The following TRIO variants were observed in gnomAD, a reference collection of about 807,000 sequenced individuals.
The protein encoded by TRIO is trio Rho guanine nucleotide exchange factor.
In TRIO, 58 loss-of-function variants were observed where a neutral mutation model predicts 351.9. The ratio of observed to expected loss-of-function variants is 0.16; its 90% CI spans 0.13 to 0.21. The LOEUF (loss-of-function observed/expected upper bound fraction) is 0.21, where lower values mean the gene tolerates loss of function less well. TRIO is among the 10% of genes least tolerant of loss of function. The pLI, the probability that TRIO is intolerant of heterozygous loss-of-function variation, is 1.00. For missense variants in TRIO, 3,201 were observed against 4,027.8 expected (o/e 0.79, Z 5.56); for synonymous variants, 1,758 against 1,595.7 (o/e 1.10, Z -2.42).
chr5:14,287,247 G>T, intron 4 of TRIO, 184 bp downstream of exon 4: 1 of 653,088 alleles, frequency 1.5e-6, no homozygotes, highest in Non-Finnish European at 2.5e-6. Context: ...TCATCCGAGT[G>T]GATTGTTTTA....
chr5:14,200,191 G>A lies in TRIO; in HGVS notation c.157+56309G>A, dbSNP rs555534716. Among the ~76,000 whole-genome samples the A allele has an allele frequency of 4.6e-5, 7 of 152,226 alleles. No homozygotes were observed. In the East Asian group the frequency reaches 7.8e-4, roughly 17 times the overall value. ...TACTGTGCCATTCAGCCAGGTGGCCGTGCCCTGCCCCTCCCCTCCCTGCCA... is the reference window on the plus strand; with the variant it reads ...TACTGTGCCATTCAGCCAGGTGGCCATGCCCTGCCCCTCCCCTCCCTGCCA... On this transcript the variant is annotated intron_variant, in intron 1 of 56. Transcript: ENST00000344204.
intron 48 of TRIO, chr5:14,489,235 C>G: frequency 1.8e-6 from 1 of 542,596 alleles, no homozygotes; most frequent in Non-Finnish European, 3.3e-6. Context: ...ATTGGTTTGA[C>G]TTGGTCTTAT....
At chr5:14,359,014 G>A (rs1188642507) in intron 12 of TRIO, among the ~76,000 whole-genome samples, 1 of 152,184 alleles carries the variant, frequency 6.6e-6, no homozygotes, top group Non-Finnish European at 1.5e-5. Context: ...TGTCCAATAT[G>A]ACTCTGTCAT....
intron 11 of TRIO, among the ~76,000 whole-genome samples, chr5:14,350,642 C>T (rs979151414): frequency 2.6e-5 from 4 of 152,184 alleles, no homozygotes; most frequent in African/African-American, 9.7e-5. Flanking sequence ...TCTTAACGTG[C>T]ATAGCTGCCC....
intron 31 of TRIO, among the ~76,000 whole-genome samples, chr5:14,404,724 G>T (rs1238190448): frequency 6.6e-6 from 1 of 152,142 alleles, no homozygotes; most frequent in Non-Finnish European, 1.5e-5. Context: ...TGTCACTCCG[G>T]AGAAGAGGGA....
At chr5:14,347,894 A>AG (rs1290474378) in intron 11 of TRIO, among the ~76,000 whole-genome samples, 2 of 152,272 alleles carry the variant, frequency 1.3e-5, no homozygotes, top group Non-Finnish European at 2.9e-5. Flanking sequence ...AATCAACCAC[A>AG]GAAAGTTTCA....
chr5:14,281,100 AT>A (rs2152277089), intron 3 of TRIO, among the ~76,000 whole-genome samples: 1 of 152,326 alleles, frequency 6.6e-6, no homozygotes, highest in South Asian at 2.1e-4. Context: ...CTCGAGTTTA[AT>A]TTGTAGATCT....
At chr5:14,427,643 A>G (rs1334490457) in intron 34 of TRIO, among the ~76,000 whole-genome samples, 1 of 152,082 alleles carries the variant, frequency 6.6e-6, no homozygotes, top group East Asian at 1.9e-4. Flanking sequence ...CTCTACCCAC[A>G]GGGCCGCGGC....
In TRIO at chr5:14,280,444, C is replaced by A. The variant is rs768417615; in HGVS notation, c.347+8C>A. 1 of 1,609,888 alleles carries A rather than the reference C, an allele frequency of 6.2e-7. No homozygotes were observed. ...TCTAGCCTGTATTCCCAGGTAAGTT[C>A]TGTGTGGCTTGTGCTTGTCACTGAT... is the stretch of plus-strand genomic sequence containing the variant. On this transcript the variant is annotated splice_region_variant and intron_variant, in intron 3 of 56. Transcript: ENST00000344204.
intron 1 of TRIO, among the ~76,000 whole-genome samples, chr5:14,192,194 C>T (rs917683270): frequency 1.2e-4 from 18 of 152,086 alleles, no homozygotes; most frequent in South Asian, 1.0e-3. Flanking sequence ...ACTTCTTGGA[C>T]GCCAAGGAGG....
At chr5:14,465,490 A>G in intron 36 of TRIO, 55 bp from the exon 37 acceptor site, 2 of 1,552,816 alleles carry the variant, frequency 1.3e-6, no homozygotes, top group South Asian at 2.2e-5. Context: ...CTGTCTGACC[A>G]GTTACTAATG....
intron 9 of TRIO, among the ~76,000 whole-genome samples, chr5:14,324,763 C>A (rs775252982): frequency 6.6e-6 from 1 of 152,074 alleles, no homozygotes; most frequent in African/African-American, 2.4e-5. Flanking sequence ...ATTCAGAATT[C>A]AGAATTTCTC....
chr5:14,308,440 C>T (rs562812001), intron 8 of TRIO, among the ~76,000 whole-genome samples: 1 of 146,106 alleles, frequency 6.8e-6, no homozygotes, highest in Non-Finnish European at 1.5e-5. Flanking sequence ...ATCCATCCCT[C>T]TATTTATCCA....
Position 14,270,877 on chromosome 5 carries a change from G to A in TRIO, c.210G>A (p.Lys70=). 3 of 1,613,830 alleles carry A rather than the reference G, an allele frequency of 1.9e-6. No homozygotes were observed. Among genetic ancestry groups the A allele is most frequent in the Non-Finnish European group, 2.5e-6 (3 of 1,179,846 alleles). Residue 70 remains lysine (K), a synonymous_variant, in exon 2 of 57, where the codon AAG becomes AAA. Transcript: ENST00000344204. ...CTATGGATGTTTTACCAATTTTGAA[G>A]GAAAAAGTTGCATACCTTTCAGGTA... ...MKAMDVLPIL[K]EKVAYLSGGR...
chr5:14,363,976 C>A, intron 14 of TRIO, 49 bp downstream of exon 14: 1 of 1,557,148 alleles, frequency 6.4e-7, no homozygotes, highest in South Asian at 1.2e-5. Context: ...TTCATGTCGT[C>A]ATGGCAATTC....
intron 9 of TRIO, among the ~76,000 whole-genome samples, chr5:14,321,706 C>A (rs535989262): frequency 1.3e-5 from 2 of 152,290 alleles, no homozygotes; most frequent in South Asian, 4.2e-4. Context: ...TTGGCTGTGA[C>A]CCCACCCAAA....
intron 33 of TRIO, among the ~76,000 whole-genome samples, chr5:14,419,452 T>C (rs1749929120): frequency 6.6e-6 from 1 of 152,206 alleles, no homozygotes; most frequent in Admixed American, 6.5e-5. Context: ...CAGAACTTTA[T>C]CTCATTTTAT....
chr5:14,498,736 C>A, intron 53 of TRIO, 96 bp downstream of exon 53: 1 of 1,539,374 alleles, frequency 6.5e-7, no homozygotes, highest in Admixed American at 1.8e-5. Flanking sequence ...CTCCAAGTGG[C>A]CTGAAAGATA....
intron 13 of TRIO, among the ~76,000 whole-genome samples, chr5:14,360,776 G>T (rs1744078363): frequency 6.6e-6 from 1 of 152,204 alleles, no homozygotes; most frequent in East Asian, 1.9e-4. Context: ...CCTTTGCTTG[G>T]CCACTTGTCT....
Sources: gnomAD v4.1 joint callset for allele counts (sites outside exome capture counted in the v4.1 genomes callset) on GRCh38, gnomAD v4.1.1 for gene constraint, MANE v1.5 for transcripts, NCBI Gene and HGNC (gene_info 2026-07-23, HGNC 2026-07-21) for gene names.